HS2ST1: variants seen among roughly 807,000 people sequenced by gnomAD.
HS2ST1 encodes heparan sulfate 2-O-sulfotransferase 1.
Under a neutral mutation model 42.9 loss-of-function variants are expected in HS2ST1, and 18 were observed. The ratio of observed to expected loss-of-function variants is 0.42; its 90% CI spans 0.29 to 0.62. The LOEUF (loss-of-function observed/expected upper bound fraction) is 0.62. Among genes scored for constraint, HS2ST1 ranks in the 20% least tolerant of loss-of-function variants. The pLI is 0.21. For synonymous variants in HS2ST1, 146 were observed against 152.9 expected, an observed-to-expected ratio of 0.95 and a Z score of 0.33; for missense variants, 334 against 433.8, an observed-to-expected ratio of 0.77 and a Z score of 2.04.
intron 1 of HS2ST1, chr1:87,046,615 A>G: frequency 1.3e-6 from 2 of 1,574,946 alleles, no homozygotes; most frequent in Non-Finnish European, 1.7e-6. Flanking sequence ...CTGAAGTACA[A>G]AGTCAAGGAG....
chr1:87,081,334 C>A (rs1557539439), intron 2 of HS2ST1, among the ~76,000 whole-genome samples: 2 of 150,536 alleles, frequency 1.3e-5, no homozygotes, highest in Non-Finnish European at 3.0e-5. Flanking sequence ...TTTAAAAGTT[C>A]AAAAAAAAAT....
intron 1 of HS2ST1, among the ~76,000 whole-genome samples, chr1:87,014,471 A>C (rs143475351): frequency 6.6e-6 from 1 of 152,232 alleles, no homozygotes; most frequent in African/African-American, 2.4e-5. Context: ...GGGAGCTGCA[A>C]TTTGAGATGT....
chr1:87,031,225 G>A (rs763314152), intron 1 of HS2ST1, among the ~76,000 whole-genome samples: 1 of 152,132 alleles, frequency 6.6e-6, no homozygotes, highest in African/African-American at 2.4e-5. Flanking sequence ...TCAGGCATGT[G>A]CCACGTCACC....
intron 1 of HS2ST1, among the ~76,000 whole-genome samples, chr1:86,936,976 A>G (rs1288390631): frequency 1.3e-5 from 2 of 151,094 alleles, no homozygotes; most frequent in Non-Finnish European, 2.9e-5. Flanking sequence ...ATGGTGTTGC[A>G]TGCCTGTAGT....
chr1:87,077,359 T>C (rs1304793007), intron 2 of HS2ST1, among the ~76,000 whole-genome samples: 2 of 152,210 alleles, frequency 1.3e-5, no homozygotes, highest in Non-Finnish European at 2.9e-5. Flanking sequence ...TTGTGTTTCA[T>C]TGAATACGCC....
chr1:87,082,168 A>C (rs1437923139), intron 2 of HS2ST1, among the ~76,000 whole-genome samples: 1 of 152,146 alleles, frequency 6.6e-6, no homozygotes, highest in South Asian at 2.1e-4. Context: ...GAAGTCTTGC[A>C]GTAGTGTAGA....
At chr1:86,992,450 T>G (rs1409980958) in intron 1 of HS2ST1, among the ~76,000 whole-genome samples, 1 of 151,868 alleles carries the variant, frequency 6.6e-6, no homozygotes, top group Non-Finnish European at 1.5e-5. Context: ...CACCGCAGCC[T>G]CCACCTCCCG....
chr1:86,954,025 C>A (rs2102189536), intron 1 of HS2ST1, among the ~76,000 whole-genome samples: 1 of 57,864 alleles, frequency 1.7e-5, no homozygotes, highest in African/African-American at 6.8e-5. Flanking sequence ...TAATAACAAA[C>A]ATCACTGTTT....
chr1:86,950,018 A>G (rs962299955), intron 1 of HS2ST1, among the ~76,000 whole-genome samples: 10 of 152,214 alleles, frequency 6.6e-5, no homozygotes, highest in African/African-American at 2.4e-4. Context: ...AAATCCATAA[A>G]TAGAAAAAGC....
intron 1 of HS2ST1, among the ~76,000 whole-genome samples, chr1:86,931,201 AC>A (rs1557483617): frequency 6.6e-6 from 1 of 152,044 alleles, no homozygotes; most frequent in East Asian, 1.9e-4. Context: ...ATTGTATTAT[AC>A]ATTATTTCAC....
At chr1:87,044,889 A>G in intron 1 of HS2ST1, 1 of 1,292,164 alleles carries the variant, frequency 7.7e-7, no homozygotes, top group Non-Finnish European at 1.1e-6. Flanking sequence ...CTGCCTAGAT[A>G]AACTAAGTAG....
intron 1 of HS2ST1, among the ~76,000 whole-genome samples, chr1:86,949,542 C>G (rs1001050919): frequency 7.9e-5 from 12 of 152,122 alleles, no homozygotes; most frequent in African/African-American, 2.9e-4. Context: ...TGCACTCCAC[C>G]CTGGGTGACA....
intron 3 of HS2ST1, among the ~76,000 whole-genome samples, chr1:87,091,958 T>C (rs1436016823): frequency 6.6e-6 from 1 of 152,064 alleles, no homozygotes; most frequent in Non-Finnish European, 1.5e-5. Flanking sequence ...ATGTTCACAC[T>C]TGTGTTCACT....
At chr1:86,938,357 T>C (rs1336682707) in intron 1 of HS2ST1, among the ~76,000 whole-genome samples, 2 of 152,158 alleles carry the variant, frequency 1.3e-5, no homozygotes, top group Non-Finnish European at 2.9e-5. Context: ...AAAGTACTGT[T>C]GTTTAATTTT....
intron 1 of HS2ST1, among the ~76,000 whole-genome samples, chr1:86,956,139 A>C (rs928974523): frequency 6.6e-6 from 1 of 152,166 alleles, no homozygotes; most frequent in African/African-American, 2.4e-5. Flanking sequence ...ATATTTGTTA[A>C]GAATTAGGCA....
chr1:87,092,866 T>C (rs991635974), intron 4 of HS2ST1, among the ~76,000 whole-genome samples, 197 bp downstream of exon 4: 3 of 152,030 alleles, frequency 2.0e-5, no homozygotes, highest in Non-Finnish European at 4.4e-5. Flanking sequence ...TTTTTTGTGA[T>C]TTTTAAAAAT....
intron 1 of HS2ST1, among the ~76,000 whole-genome samples, chr1:87,034,701 A>G (rs1650327162): frequency 6.6e-6 from 1 of 152,204 alleles, no homozygotes. Context: ...CTTTTAAAAG[A>G]CAATAAAAAA....
Position 87,106,620 on chromosome 1 carries a change from T to C in HS2ST1, c.*1924T>C, listed in dbSNP as rs974492590. ...CTAAAAGAATGACAGAACAATCATCTTAGCACCCTTTCCTCACAATAATAT... is the reference window on the plus strand; with the variant it reads ...CTAAAAGAATGACAGAACAATCATCCTAGCACCCTTTCCTCACAATAATAT... On this transcript the variant is annotated 3_prime_UTR_variant, in exon 7 of 7. Coordinates refer to ENST00000370550, the MANE Select transcript of HS2ST1 (RefSeq NM_012262.4). 1.3e-5 allele frequency: 2 copies of C among 152,078 alleles called. No homozygotes were observed. The highest frequency in any genetic ancestry group is 2.9e-5 in the Non-Finnish European group (2 of 67,936). 9.4% of individuals were successfully genotyped at this position (152,078 alleles called of 1,614,324 possible). A position where few individuals can be genotyped will look rare whatever the true frequency, so the allele number is the denominator to read the frequency against.
At chr1:87,068,466 A>G (rs1651311287) in intron 1 of HS2ST1, among the ~76,000 whole-genome samples, 2 of 152,188 alleles carry the variant, frequency 1.3e-5, no homozygotes, top group Non-Finnish European at 2.9e-5. Context: ...GGCTGAGACG[A>G]TGGGGTTTTC....
Sources: gnomAD v4.1 joint callset for allele counts (sites outside exome capture counted in the v4.1 genomes callset) on GRCh38, gnomAD v4.1.1 for gene constraint, MANE v1.5 for transcripts, NCBI Gene and HGNC (gene_info 2026-07-23, HGNC 2026-07-21) for gene names.